Variants in SNAP47 observed in about 807,000 individuals in gnomAD.
SNAP47 encodes synaptosome associated protein 47, also known as synaptosomal-associated protein 47.
In SNAP47, 20 loss-of-function variants were observed where a neutral mutation model predicts 31.4. The observed-to-expected ratio is 0.64, with a 90% CI of 0.45 to 0.93. SNAP47 has a LOEUF of 0.93. SNAP47 is among the 40% of genes least tolerant of loss of function. The pLI is 0.00. For missense variants in SNAP47, 492 were observed against 528.5 expected (o/e 0.93, Z 0.68); for synonymous variants, 194 against 213.4 (o/e 0.91, Z 0.79).
At position 227,781,170 on chromosome 1, in the gene SNAP47, G is replaced by A. The variant is rs1664441056; in HGVS notation, c.*497G>A. ...ACTGCATCTTTCAAACAAAAATATT[G>A]ATTTCTGCTTTTAGGGCCCCGTTTC... On this transcript the variant is annotated 3_prime_UTR_variant, in exon 5 of 5. Coordinates refer to ENST00000617596, the MANE Select transcript of SNAP47 (RefSeq NM_053052.4). 3 of 153,804 alleles carry A rather than the reference G, an allele frequency of 2.0e-5. No homozygotes were observed. The highest frequency in any genetic ancestry group is 7.2e-5 in the African/African-American group (3 of 41,468). The allele number at this position is 153,804 out of a possible 1,614,324, so 9.5% of individuals were successfully genotyped here.
chr1:227,748,308 TC>T, intron 2 of SNAP47, 75 bp downstream of exon 2: 1 of 1,417,668 alleles, frequency 7.1e-7, no homozygotes, highest in Middle Eastern at 2.6e-4. Context: ...CAGGCACTGT[TC>T]CAGGCCACTG....
chr1:227,738,445 C>G (rs76910708), intron 1 of SNAP47, among the ~76,000 whole-genome samples: 1 of 152,088 alleles, frequency 6.6e-6, no homozygotes. Flanking sequence ...TTCTCTCCCC[C>G]CAGTCCTTGC....
chr1:227,733,565 C>T (rs985226587), upstream of SNAP47: 16 of 1,606,118 alleles, frequency 1.0e-5, no homozygotes, highest in Admixed American at 1.2e-4. Context: ...GGGCAGGTTG[C>T]CGTGGCGGTC....
At chr1:227,732,551 G>A (rs377266486), upstream of SNAP47, 8 of 1,613,374 alleles carry the variant, frequency 5.0e-6, no homozygotes, top group East Asian at 2.2e-5. Flanking sequence ...CTGCCTGTTC[G>A]AAACCCAACC....
intron 2 of SNAP47, among the ~76,000 whole-genome samples, chr1:227,757,544 A>G (rs1292232788): frequency 6.6e-6 from 1 of 152,270 alleles, no homozygotes; most frequent in East Asian, 1.9e-4. Context: ...AGAATGGCCT[A>G]TAAGAAATGC....
intron 1 of SNAP47, among the ~76,000 whole-genome samples, chr1:227,739,016 C>T (rs976696460): frequency 1.1e-3 from 160 of 152,232 alleles, no homozygotes; most frequent in African/African-American, 3.5e-3. Flanking sequence ...CCACTGTATA[C>T]GCAGGAGGCC....
intron 4 of SNAP47, among the ~76,000 whole-genome samples, chr1:227,771,676 A>G (rs1238396247): frequency 6.4e-5 from 2 of 31,014 alleles, no homozygotes; most frequent in Admixed American, 5.2e-4. Context: ...CCCCACCCCC[A>G]CCCTCTGCTT....
chr1:227,758,506 T>C (rs568683685), intron 2 of SNAP47, among the ~76,000 whole-genome samples: 1 of 147,856 alleles, frequency 6.8e-6, no homozygotes, highest in African/African-American at 2.4e-5. Flanking sequence ...GTGTGGGTGG[T>C]GGGGAAGCAT....
At chr1:227,754,125 G>A (rs534253139) in intron 2 of SNAP47, among the ~76,000 whole-genome samples, 1 of 152,340 alleles carries the variant, frequency 6.6e-6, no homozygotes, top group East Asian at 1.9e-4. Context: ...GGGGAAGCCC[G>A]AAGGGAGATG....
chr1:227,769,651 G>A (rs748738868), intron 4 of SNAP47, among the ~76,000 whole-genome samples: 26 of 152,166 alleles, frequency 1.7e-4, no homozygotes, highest in Non-Finnish European at 3.7e-4. Context: ...ACAGGCAGGG[G>A]TGACACGGCG....
chr1:227,772,110 G>C (rs544490188), intron 4 of SNAP47, among the ~76,000 whole-genome samples: 2 of 152,184 alleles, frequency 1.3e-5, no homozygotes, highest in African/African-American at 2.4e-5. Flanking sequence ...CCAAGTGTGC[G>C]GGGCAAGTGC....
chr1:227,733,075 CCT>C (rs781339516), upstream of SNAP47: 10 of 1,598,614 alleles, frequency 6.3e-6, no homozygotes, highest in Admixed American at 1.0e-4. Flanking sequence ...GCAGGTGCCC[CCT>C]GACCAACCCA....
chr1:227,752,051 C>A (rs1393179701), intron 2 of SNAP47, among the ~76,000 whole-genome samples: 1 of 152,096 alleles, frequency 6.6e-6, no homozygotes, highest in East Asian at 1.9e-4. Context: ...AGGCGTGAAC[C>A]ACCGCGCCCG....
At chr1:227,729,924 C>T (rs1660532303) in intron 1 of SNAP47, among the ~76,000 whole-genome samples, 3 of 152,180 alleles carry the variant, frequency 2.0e-5, no homozygotes. Context: ...TATGGGGGCC[C>T]ACAGGTCCCA....
chr1:227,761,847 G>A (rs982075063), intron 3 of SNAP47, among the ~76,000 whole-genome samples: 4 of 152,156 alleles, frequency 2.6e-5, no homozygotes, highest in African/African-American at 9.7e-5. Flanking sequence ...TGGCTGCACC[G>A]TGGTGGCGAG....
At chr1:227,765,959 C>T (rs1663368574) in intron 3 of SNAP47, among the ~76,000 whole-genome samples, 1 of 152,172 alleles carries the variant, frequency 6.6e-6, no homozygotes, top group South Asian at 2.1e-4. Flanking sequence ...GGAAGGTGAG[C>T]TTGTCAAGAT....
rs538258699 is a variant in SNAP47, at chr1:227,754,704, C to A, written c.498-4291C>A. 2.6e-5 allele frequency among the ~76,000 whole-genome samples: 4 copies of A among 152,252 alleles called. No individual in the cohort carries two copies. The East Asian group carries it at 7.7e-4, about 29-fold the overall frequency. On this transcript the variant is annotated intron_variant, in intron 2 of 4. Coordinates refer to ENST00000617596, the MANE Select transcript of SNAP47 (RefSeq NM_053052.4). ...CACTGTGATCAGAGCTGGTGGCCTG[C>A]CCTGCTCCTTCAGGAGGCACAGGAG... is the stretch of plus-strand genomic sequence containing the variant.
chr1:227,733,218 C>T (rs1232277837), upstream of SNAP47: 2 of 854,810 alleles, frequency 2.3e-6, no homozygotes, highest in African/African-American at 1.7e-5. Flanking sequence ...CACAGTGAAC[C>T]CAGAGCAAGT....
upstream of SNAP47, chr1:227,731,039 C>T (rs1660607849): frequency 6.5e-6 from 1 of 152,674 alleles, no homozygotes; most frequent in South Asian, 2.1e-4. Flanking sequence ...TGCTACCTCC[C>T]CCTCCTCCCC....
Sources: gnomAD v4.1 joint callset for allele counts (sites outside exome capture counted in the v4.1 genomes callset) on GRCh38, gnomAD v4.1.1 for gene constraint, MANE v1.5 for transcripts, NCBI Gene and HGNC (gene_info 2026-07-23, HGNC 2026-07-21) for gene names.